Variants in ATAD3B observed in about 807,000 individuals in gnomAD.
The protein encoded by ATAD3B is ATPase family AAA domain-containing protein 3B.
A neutral mutation model predicts 70.2 loss-of-function variants in ATAD3B; 59 were observed. That is an observed-to-expected ratio of 0.84 (90% CI 0.68 to 1.04). The LOEUF (loss-of-function observed/expected upper bound fraction) is 1.04, where lower values mean the gene tolerates loss of function less well. Ranked by LOEUF, ATAD3B falls within the 50% of genes least tolerant of loss-of-function variation. ATAD3B has a pLI of 0.00. For missense variants in ATAD3B, 961 were observed against 913.4 expected, an observed-to-expected ratio of 1.05 and a Z score of -0.67; for synonymous variants, 423 against 388.6, an observed-to-expected ratio of 1.09 and a Z score of -1.04.
intron 15 of ATAD3B, among the ~76,000 whole-genome samples, chr1:1,492,731 A>T (rs901312430): frequency 5.9e-5 from 9 of 151,878 alleles, no homozygotes; most frequent in African/African-American, 1.9e-4. Context: ...CGGGGTCAGG[A>T]GTTCAAGACC....
intron 4 of ATAD3B, among the ~76,000 whole-genome samples, chr1:1,479,951 C>T (rs1449266415): frequency 6.9e-6 from 1 of 145,792 alleles, no homozygotes; most frequent in Non-Finnish European, 1.5e-5. Context: ...CACCTGCACA[C>T]ACGGGCACAC....
At chr1:1,474,042 C>A (rs1399337287) in intron 1 of ATAD3B, among the ~76,000 whole-genome samples, 2 of 151,928 alleles carry the variant, frequency 1.3e-5, no homozygotes, top group African/African-American at 2.4e-5. Context: ...AGCTGGGCAC[C>A]ACCGACAGTG....
Position 1,490,561 on chromosome 1 carries a change from A to T in ATAD3B, c.1506-2A>T, listed in dbSNP as rs761300172. 93 of 1,610,502 alleles carry T rather than the reference A, an allele frequency of 5.8e-5. 1 individual carries two copies. The highest frequency in any genetic ancestry group is 7.9e-5 in the Non-Finnish European group (93 of 1,178,880). On this transcript the variant is annotated splice_acceptor_variant, in intron 14 of 15. Coordinates refer to ENST00000673477, the MANE Select transcript of ATAD3B (RefSeq NM_031921.6). LOFTEE classifies it high-confidence loss of function. ...TGCCTCACTTGGGAACTCCTTCCCC[A>T]GGCGCCTGAAGCTGGCCCAGTTTGA...
chr1:1,485,858 A>G lies in ATAD3B; in HGVS notation c.963+20A>G. On this transcript the variant is annotated intron_variant, in intron 9 of 15. Coordinates refer to ENST00000673477, the MANE Select transcript of ATAD3B (RefSeq NM_031921.6). ...CTTAGTGTAAGTCGGTGTGCCTGGG[A>G]CCGGGGAGGTGCAGGGAGGGGACCC... The G allele has an allele frequency of 6.2e-7, 1 of 1,612,480 alleles. No homozygotes were observed.
intron 11 of ATAD3B, 41 bp from the exon 12 acceptor site, chr1:1,487,822 G>A: frequency 6.2e-7 from 1 of 1,609,076 alleles, no homozygotes; most frequent in Admixed American, 1.7e-5. Flanking sequence ...GGCTGCTCCT[G>A]GCGTCACTCT....
the ATAD3B span, among the ~76,000 whole-genome samples, chr1:1,508,055 C>T: frequency 6.6e-6 from 1 of 152,182 alleles, no homozygotes; most frequent in Admixed American, 6.5e-5. Context: ...TCTGCGTAGC[C>T]CCTTTCCTCT....
the ATAD3B span, among the ~76,000 whole-genome samples, chr1:1,507,053 C>T: frequency 6.6e-6 from 1 of 152,188 alleles, no homozygotes; most frequent in Non-Finnish European, 1.5e-5. Flanking sequence ...TCCCAAAGTG[C>T]TGGGATTACA....
At chr1:1,476,867 T>G (rs1333225732) in intron 1 of ATAD3B, among the ~76,000 whole-genome samples, 2 of 151,634 alleles carry the variant, frequency 1.3e-5, no homozygotes, top group Non-Finnish European at 2.9e-5. Context: ...AGTGCGGTGG[T>G]GCGATCTCGG....
intron 6 of ATAD3B, 34 bp downstream of exon 6, chr1:1,482,337 T>G (rs1421078852): frequency 2.6e-6 from 4 of 1,548,114 alleles, no homozygotes; most frequent in Non-Finnish European, 3.5e-6. Flanking sequence ...CGGCCACAGA[T>G]GGAGCCCCGC....
At chr1:1,502,146 T>G (rs1570297415), downstream of ATAD3B, among the ~76,000 whole-genome samples, 1 of 152,078 alleles carries the variant, frequency 6.6e-6, no homozygotes, top group Non-Finnish European at 1.5e-5. Flanking sequence ...CCCAAAGTGC[T>G]GGGATTATAG....
At chr1:1,499,133 A>G (rs1267664587), downstream of ATAD3B, among the ~76,000 whole-genome samples, 4 of 151,620 alleles carry the variant, frequency 2.6e-5, no homozygotes, top group Admixed American at 6.6e-5. Flanking sequence ...CACCACGCCC[A>G]GCTAATTTTT....
At chr1:1,502,974 C>T in the ATAD3B span, among the ~76,000 whole-genome samples, 5 of 151,040 alleles carry the variant, frequency 3.3e-5, no homozygotes, top group Non-Finnish European at 5.9e-5. Context: ...CCTGTAATCC[C>T]AGCACTTTGG....
At chr1:1,478,307 G>C in intron 2 of ATAD3B, 1 of 1,029,932 alleles carries the variant, frequency 9.7e-7, no homozygotes, top group African/African-American at 1.6e-5. Context: ...CACTCAGCAG[G>C]ATTCCTAGAA....
At chr1:1,505,258 A>G in the ATAD3B span, among the ~76,000 whole-genome samples, 1 of 152,130 alleles carries the variant, frequency 6.6e-6, no homozygotes, top group Non-Finnish European at 1.5e-5. Flanking sequence ...CGAGGCAGAG[A>G]GAGGGAGGGA....
intron 15 of ATAD3B, among the ~76,000 whole-genome samples, chr1:1,492,945 A>T (rs1314604487): frequency 1.3e-5 from 2 of 150,344 alleles, no homozygotes; most frequent in Non-Finnish European, 2.9e-5. Flanking sequence ...TCTCCAAAAA[A>T]AAAAAAAAGA....
chr1:1,498,697 C>T (rs1456732611), downstream of ATAD3B, among the ~76,000 whole-genome samples: 19 of 151,174 alleles, frequency 1.3e-4, no homozygotes, highest in East Asian at 5.9e-4. Flanking sequence ...CCTGAGGCAC[C>T]GCGCCCGGCC....
chr1:1,477,853 G>A (rs1440282842), intron 2 of ATAD3B, among the ~76,000 whole-genome samples: 4 of 151,960 alleles, frequency 2.6e-5, no homozygotes, highest in Non-Finnish European at 5.9e-5. Flanking sequence ...TTACAGGCAC[G>A]CGCCACCACG....
intron 15 of ATAD3B, among the ~76,000 whole-genome samples, chr1:1,491,118 G>A (rs1361897653): frequency 2.7e-5 from 4 of 149,010 alleles, no homozygotes; most frequent in African/African-American, 1.0e-4. Context: ...TCAGACACAC[G>A]GTGGGACTGG....
Position 1,471,822 on chromosome 1 carries a change from G to T in ATAD3B, c.-63G>T, listed in dbSNP as rs947942004. On this transcript the variant is annotated 5_prime_UTR_variant, in exon 1 of 16. Coordinates refer to ENST00000673477, the MANE Select transcript of ATAD3B (RefSeq NM_031921.6). ...TCGCGGCGCGTGGAGGCTGCTCCCA[G>T]CCGCGCCCGAGTCAGACTCGGGTGG... The T allele has an allele frequency of 4.8e-6, 6 of 1,239,098 alleles. No homozygotes were observed. The highest frequency in any genetic ancestry group is 4.2e-5 in the Admixed American group (1 of 24,048). 76.8% of individuals were successfully genotyped at this position (1,239,098 alleles called of 1,614,324 possible).
Sources: gnomAD v4.1 joint callset for allele counts (sites outside exome capture counted in the v4.1 genomes callset) on GRCh38, gnomAD v4.1.1 for gene constraint, MANE v1.5 for transcripts, NCBI Gene and HGNC (gene_info 2026-07-23, HGNC 2026-07-21) for gene names.